The following PLEKHM3 variants were observed in gnomAD, a reference collection of about 807,000 sequenced individuals.
PLEKHM3 encodes the protein pleckstrin homology domain-containing family M member 3.
PLEKHM3 carries 45 observed loss-of-function variants against 81.8 expected under a neutral mutation model. The ratio of observed to expected loss-of-function variants is 0.55; its 90% CI spans 0.43 to 0.71. PLEKHM3 has a LOEUF of 0.71. Among genes scored for constraint, PLEKHM3 ranks in the 30% least tolerant of loss-of-function variants. The pLI, the probability that PLEKHM3 is intolerant of heterozygous loss-of-function variation, is 0.00. For synonymous variants in PLEKHM3, 352 were observed against 356.4 expected (o/e 0.99, Z 0.14); for missense variants, 788 against 924.3 (o/e 0.85, Z 1.91).
chr2:208,004,176 T>A (rs570779481), intron 1 of PLEKHM3, among the ~76,000 whole-genome samples: 1 of 152,174 alleles, frequency 6.6e-6, no homozygotes, highest in African/African-American at 2.4e-5. Context: ...CCCAGCACTG[T>A]GGGAGGCAGG....
At chr2:207,907,468 C>T (rs1437739327) in intron 6 of PLEKHM3, among the ~76,000 whole-genome samples, 4 of 151,972 alleles carry the variant, frequency 2.6e-5, no homozygotes, top group African/African-American at 9.7e-5. Context: ...TGCCACTGCA[C>T]TCCAGCCTGG....
At chr2:207,981,503 A>C (rs1241704316) in intron 2 of PLEKHM3, among the ~76,000 whole-genome samples, 1 of 152,040 alleles carries the variant, frequency 6.6e-6, no homozygotes, top group Non-Finnish European at 1.5e-5. Flanking sequence ...ACATCATGAT[A>C]CCTGGCTTAT....
chr2:207,832,735 G>A (rs1204827306), intron 7 of PLEKHM3, among the ~76,000 whole-genome samples: 1 of 151,062 alleles, frequency 6.6e-6, no homozygotes, highest in Non-Finnish European at 1.5e-5. Flanking sequence ...AGTTTGCAGA[G>A]AGCCGAGAAA....
At chr2:207,973,633 G>A (rs1429547298) in intron 3 of PLEKHM3, among the ~76,000 whole-genome samples, 2 of 152,150 alleles carry the variant, frequency 1.3e-5, no homozygotes, top group Admixed American at 6.5e-5. Context: ...CAGCTACTCA[G>A]GAGGCTGAGG....
At chr2:207,864,124 T>C (rs2092483204) in intron 6 of PLEKHM3, among the ~76,000 whole-genome samples, 1 of 152,158 alleles carries the variant, frequency 6.6e-6, no homozygotes. Flanking sequence ...AAGAGTAGAA[T>C]TTATTTTCTT....
intron 1 of PLEKHM3, among the ~76,000 whole-genome samples, chr2:208,021,248 T>C (rs1217887839): frequency 6.6e-6 from 1 of 152,230 alleles, no homozygotes; most frequent in Non-Finnish European, 1.5e-5. Flanking sequence ...TTCTTCACAG[T>C]TGTTTTCCAC....
At chr2:207,939,586 C>G (rs1689868588) in intron 4 of PLEKHM3, among the ~76,000 whole-genome samples, 1 of 152,192 alleles carries the variant, frequency 6.6e-6, no homozygotes, top group Non-Finnish European at 1.5e-5. Context: ...TTATGATGCG[C>G]CACACCCTGT....
At chr2:208,023,292 G>A (rs1693188602) in intron 1 of PLEKHM3, among the ~76,000 whole-genome samples, 1 of 143,982 alleles carries the variant, frequency 6.9e-6, no homozygotes, top group African/African-American at 3.0e-5. Context: ...ACAGGCCTGA[G>A]CCATCATATC....
At chr2:207,899,062 G>A (rs1574384679) in intron 6 of PLEKHM3, among the ~76,000 whole-genome samples, 1 of 152,280 alleles carries the variant, frequency 6.6e-6, no homozygotes, top group Middle Eastern at 3.4e-3. Flanking sequence ...TAATATTGTT[G>A]AAAAGCTGCA....
chr2:207,848,304 C>G (rs1220232965), intron 7 of PLEKHM3, among the ~76,000 whole-genome samples: 1 of 152,198 alleles, frequency 6.6e-6, no homozygotes, highest in Non-Finnish European at 1.5e-5. Flanking sequence ...CAAACTACAG[C>G]TGGTTCCTCA....
chr2:207,919,778 A>G (rs1331066535), intron 5 of PLEKHM3, among the ~76,000 whole-genome samples: 1 of 152,202 alleles, frequency 6.6e-6, no homozygotes, highest in African/African-American at 2.4e-5. Flanking sequence ...CTTTGGACTC[A>G]GCCTCAGCTA....
chr2:207,844,366 G>C lies in PLEKHM3; in HGVS notation c.2109-15870C>G, dbSNP rs1446516527. 2.7e-5 allele frequency among the ~76,000 whole-genome samples: 4 copies of C among 146,980 alleles called. No homozygotes were observed. The East Asian group carries it at 8.0e-4, about 29-fold the overall frequency. ...TGCCCAGGCTGGAGTGCAGTGGCGC[G>C]ATCTCGGCTCACTGCAAGCTCCGCC... On this transcript the variant is annotated intron_variant, in intron 7 of 7. Coordinates refer to ENST00000427836, the MANE Select transcript of PLEKHM3 (RefSeq NM_001080475.3).
chr2:207,977,248 G>A lies in PLEKHM3; in HGVS notation c.949C>T (p.Arg317Trp), dbSNP rs767739485. Residue 317 changes from arginine (R) to tryptophan (W), a missense_variant, in exon 3 of 8, where the codon CGG becomes TGG. Physicochemically the swap from Arg to Trp is moderately radical, Grantham distance 101 (BLOSUM62 -3). Coordinates refer to ENST00000427836, the MANE Select transcript of PLEKHM3 (RefSeq NM_001080475.3). ...VHAAVPGYMG[R>W]QNELTISPGL... Reference sequence around the variant, plus strand: ...GGTGAGATTGTCAGCTCATTCTGCCGCCCCATGTAACCGGGCACAGCAGCA... The same window carrying A: ...GGTGAGATTGTCAGCTCATTCTGCCACCCCATGTAACCGGGCACAGCAGCA... The A allele has an allele frequency of 2.4e-5, 39 of 1,613,968 alleles. No homozygotes were observed. Among genetic ancestry groups the A allele is most frequent in the African/African-American group, 5.3e-5 (4 of 74,882 alleles).
At chr2:207,866,838 T>C (rs2092504081) in intron 6 of PLEKHM3, among the ~76,000 whole-genome samples, 2 of 152,212 alleles carry the variant, frequency 1.3e-5, no homozygotes, top group Admixed American at 1.3e-4. Context: ...ATAAATCTCT[T>C]GTGTTTCTCC....
intron 5 of PLEKHM3, among the ~76,000 whole-genome samples, chr2:207,930,281 G>A (rs1689545951): frequency 6.6e-6 from 1 of 152,046 alleles, no homozygotes; most frequent in Non-Finnish European, 1.5e-5. Context: ...ATTTGTTTCT[G>A]TACAGAAAAT....
chr2:208,024,161 A>ACTGAAC (rs1559289177), intron 1 of PLEKHM3, among the ~76,000 whole-genome samples: 1 of 148,296 alleles, frequency 6.7e-6, no homozygotes, highest in African/African-American at 2.6e-5. Context: ...ATAAAATAAA[A>ACTGAAC]TAAAATAAAA....
At chr2:207,998,607 C>G (rs1010548796) in intron 2 of PLEKHM3, among the ~76,000 whole-genome samples, 1 of 152,266 alleles carries the variant, frequency 6.6e-6, no homozygotes, top group Admixed American at 6.5e-5. Flanking sequence ...TTCAAACTAC[C>G]ACTCAGTTCT....
Position 207,861,024 on chromosome 2 carries a change from C to T in PLEKHM3, c.2108+81G>A, listed in dbSNP as rs181127869. On this transcript the variant is annotated intron_variant, in intron 7 of 7. Transcript: ENST00000427836. ...TAAGAGACAGAGATACACTACTTGACTAAAAGTTGGCCTGATTTGGCCAAA... is the reference window on the plus strand; with the variant it reads ...TAAGAGACAGAGATACACTACTTGATTAAAAGTTGGCCTGATTTGGCCAAA... 55 of 1,485,660 alleles carry T rather than the reference C, an allele frequency of 3.7e-5. No homozygotes were observed. In the Admixed American group the frequency reaches 1.0e-3, roughly 28 times the overall value. The allele number at this position is 1,485,660 out of a possible 1,614,324, so 92.0% of individuals were successfully genotyped here.
At chr2:207,898,814 C>A (rs551910456) in intron 6 of PLEKHM3, among the ~76,000 whole-genome samples, 1 of 152,022 alleles carries the variant, frequency 6.6e-6, no homozygotes. Flanking sequence ...GAGGATTGCT[C>A]GGGCTCAGGA....
Sources: gnomAD v4.1 joint callset for allele counts (sites outside exome capture counted in the v4.1 genomes callset) on GRCh38, gnomAD v4.1.1 for gene constraint, MANE v1.5 for transcripts, NCBI Gene and HGNC (gene_info 2026-07-23, HGNC 2026-07-21) for gene names.